PCDHA2: variants seen among roughly 807,000 people sequenced by gnomAD.
PCDHA2 encodes protocadherin alpha 2, also known as protocadherin alpha-2.
Under a neutral mutation model 66.0 loss-of-function variants are expected in PCDHA2, and 58 were observed. The observed-to-expected ratio is 0.88, with a 90% CI of 0.71 to 1.09. The LOEUF is 1.09. Among genes scored for constraint, PCDHA2 ranks in the 50% least tolerant of loss-of-function variants. The pLI, the probability that PCDHA2 is intolerant of heterozygous loss-of-function variation, is 0.00. For synonymous variants in PCDHA2, 634 were observed against 554.0 expected (o/e 1.14, Z -2.03); for missense variants, 1,267 against 1,242.3 (o/e 1.02, Z -0.30).
intron 1 of PCDHA2, among the ~76,000 whole-genome samples, chr5:140,889,644 C>A (rs2062317759): frequency 6.6e-6 from 1 of 151,938 alleles, no homozygotes; most frequent in African/African-American, 2.4e-5. Flanking sequence ...TTTGTGTTTG[C>A]AGGAGATGTC....
rs782099262 is a variant in PCDHA2 at position 140,927,918 on chromosome 5, C to A, written c.2389-51031C>A. 3.7e-6 allele frequency: 6 copies of A among 1,614,220 alleles called. No homozygotes were observed. In the South Asian group the frequency reaches 4.4e-5, roughly 12 times the overall value. ...ACGATCATGCCCCCGAACTGGACTT[C>A]CTGACTCTTTCGAACCCAGTACCTG... On this transcript the variant is annotated intron_variant, in intron 1 of 3. Transcript: ENST00000526136.
intron 3 of PCDHA2, among the ~76,000 whole-genome samples, chr5:141,000,421 A>ATTTTTTTTTTT (rs34755515): frequency 3.6e-5 from 1 of 27,968 alleles, no homozygotes; most frequent in Non-Finnish European, 5.7e-5. Context: ...ATATATATAT[A>ATTTTTTTTTTT]TTTTTTTTTT....
intron 1 of PCDHA2, among the ~76,000 whole-genome samples, chr5:140,935,799 A>T (rs1423027036): frequency 1.3e-5 from 2 of 151,978 alleles, no homozygotes; most frequent in African/African-American, 4.8e-5. Flanking sequence ...TATAAACGAG[A>T]TTATTTCATA....
intron 3 of PCDHA2, among the ~76,000 whole-genome samples, chr5:140,991,807 C>T (rs782693963): frequency 4.6e-5 from 7 of 152,278 alleles, no homozygotes; most frequent in Admixed American, 6.5e-5. Context: ...AGGCCACTTC[C>T]GCATTTTTAG....
intron 1 of PCDHA2, chr5:140,836,819 C>T (rs1774763435): frequency 1.8e-6 from 2 of 1,113,462 alleles, no homozygotes; most frequent in African/African-American, 1.6e-5. Context: ...TTCATAATTT[C>T]TTTTTTAGTT....
intron 1 of PCDHA2, chr5:140,808,306 C>T (rs1210807010): frequency 8.1e-6 from 13 of 1,614,136 alleles, no homozygotes; most frequent in South Asian, 1.1e-5. Flanking sequence ...CCCTGATCAG[C>T]GTGTCCGACA....
At position 140,978,970 on chromosome 5, in the gene PCDHA2, T is replaced by A; in HGVS notation, c.2410T>A (p.Trp804Arg). The change falls in exon 2 of 4, where the codon TGG (tryptophan) becomes AGG (arginine). Residue 804 changes from tryptophan to arginine, a missense_variant. Coordinates refer to ENST00000526136, the MANE Select transcript of PCDHA2 (RefSeq NM_018905.3). ...VGKPRQPNPD[W>R]RYSASLRAGM... is the part of the protein sequence containing the mutation. Reference sequence around the variant, plus strand: ...GCAGCCACGACAGCCCAACCCTGACTGGCGTTACTCTGCCTCCCTGAGAGC... The same window carrying A: ...GCAGCCACGACAGCCCAACCCTGACAGGCGTTACTCTGCCTCCCTGAGAGC... 6.2e-7 allele frequency: 1 copy of A among 1,614,216 alleles called. No homozygotes were observed. Among genetic ancestry groups the A allele is most frequent in the Admixed American group, 1.7e-5 (1 of 60,030 alleles).
intron 1 of PCDHA2, chr5:140,926,832 G>C: frequency 6.6e-7 from 1 of 1,505,338 alleles, no homozygotes; most frequent in Non-Finnish European, 8.9e-7. Context: ...GGAGTCCGGA[G>C]CATGGTCCTG....
At chr5:140,913,021 A>G (rs548086979) in intron 1 of PCDHA2, among the ~76,000 whole-genome samples, 1 of 152,154 alleles carries the variant, frequency 6.6e-6, no homozygotes, top group South Asian at 2.1e-4. Context: ...TTTTGCATCA[A>G]TATTCATCAG....
chr5:140,795,673 G>A lies in PCDHA2; in HGVS notation c.709G>A (p.Asp237Asn), dbSNP rs1554119529. 6.2e-7 allele frequency: 1 copy of A among 1,614,092 alleles called. No individual in the cohort carries two copies. Among genetic ancestry groups the A allele is most frequent in the Non-Finnish European group, 8.5e-7 (1 of 1,179,990 alleles). Residue 237 changes from aspartate (D) to asparagine (N), a missense_variant, in exon 1 of 4, where the codon GAC (aspartate) becomes AAC (asparagine). By Grantham distance (23) the Asp-to-Asn change is conservative (BLOSUM62 1). Transcript: ENST00000526136. ...QILIKVLDVN[D>N]NEPTFAQSVY... Reference sequence around the variant, plus strand: ...ACTTATTAAGGTATTAGATGTAAATGACAATGAACCAACTTTTGCCCAATC... The same window carrying A: ...ACTTATTAAGGTATTAGATGTAAATAACAATGAACCAACTTTTGCCCAATC...
In PCDHA2 at chr5:140,824,289, C is replaced by T. The variant is rs2150133966; in HGVS notation, c.2388+26937C>T. On this transcript the variant is annotated intron_variant, in intron 1 of 3. Transcript: ENST00000526136. The stretch of plus-strand genomic sequence containing the variant: ...CATGTATTATATGCTTTTTATGAGG[C>T]TTTTCTGCTGGGGTAATAGATTCAT... 46 of 983,138 alleles carry T rather than the reference C, an allele frequency of 4.7e-5. 1 individual carries two copies. The African/African-American group carries it at 6.0e-4, about 13-fold the overall frequency. 60.9% of individuals were successfully genotyped at this position (983,138 alleles called of 1,614,324 possible).
At chr5:141,008,434 A>G (rs1466409442) in intron 3 of PCDHA2, among the ~76,000 whole-genome samples, 2 of 152,196 alleles carry the variant, frequency 1.3e-5, no homozygotes, top group Admixed American at 6.5e-5. Context: ...CACTTTGCCC[A>G]GACAGACCAT....
intron 1 of PCDHA2, chr5:140,853,297 G>A: frequency 2.0e-6 from 2 of 981,768 alleles, no homozygotes; most frequent in African/African-American, 3.5e-5. Context: ...TCTCAGAAGG[G>A]CTGTGAACAC....
chr5:140,868,899 C>T (rs2050726190), intron 1 of PCDHA2: 5 of 804,894 alleles, frequency 6.2e-6, no homozygotes, highest in Admixed American at 3.0e-5. Flanking sequence ...CGCAAGGTGT[C>T]GCTCTTTACT....
intron 3 of PCDHA2, among the ~76,000 whole-genome samples, chr5:140,997,668 T>TTGTGTGTGTGTGTGTGTGTG (rs35184029): frequency 6.7e-6 from 1 of 148,244 alleles, no homozygotes; most frequent in African/African-American, 2.5e-5. Context: ...ATTATACAGC[T>TTGTGTGTGTGTGTGTGTGTG]TGTGTGTGTG....
chr5:140,843,762 T>G, intron 1 of PCDHA2: 4 of 1,493,648 alleles, frequency 2.7e-6, no homozygotes, highest in Non-Finnish European at 3.7e-6. Context: ...TTGTGGAAAT[T>G]GTAGTTACTT....
At chr5:140,802,748 G>A in intron 1 of PCDHA2, 1 of 1,612,602 alleles carries the variant, frequency 6.2e-7, no homozygotes, top group Non-Finnish European at 8.5e-7. Context: ...GCGGCAAGGT[G>A]TACGCGCTGC....
At chr5:140,928,321 A>C (rs1296238254) in intron 1 of PCDHA2, 2 of 1,614,044 alleles carry the variant, frequency 1.2e-6, no homozygotes, top group African/African-American at 2.7e-5. Context: ...CCTGGGGAAG[A>C]ATGGCCTTGT....
chr5:140,802,115 T>C (rs1762849128), intron 1 of PCDHA2: 7 of 1,614,016 alleles, frequency 4.3e-6, no homozygotes, highest in South Asian at 2.2e-5. Flanking sequence ...GTGTAAAGGG[T>C]AACATAGATT....
Sources: gnomAD v4.1 joint callset for allele counts (sites outside exome capture counted in the v4.1 genomes callset) on GRCh38, gnomAD v4.1.1 for gene constraint, MANE v1.5 for transcripts, NCBI Gene and HGNC (gene_info 2026-07-23, HGNC 2026-07-21) for gene names.